GALNT17: variants seen among roughly 807,000 people sequenced by gnomAD.
GALNT17 encodes polypeptide N-acetylgalactosaminyltransferase 17.
Under a neutral mutation model 63.7 loss-of-function variants are expected in GALNT17, and 29 were observed. The ratio of observed to expected loss-of-function variants is 0.46; its 90% CI spans 0.34 to 0.62. The LOEUF is 0.62. Among genes scored for constraint, GALNT17 ranks in the 20% least tolerant of loss-of-function variants. The probability of loss-of-function intolerance (pLI) is 0.01; values close to 1 mark genes in which losing one functional copy is unlikely to be tolerated. For missense variants in GALNT17, 603 were observed against 799.6 expected (o/e 0.75, Z 2.97); for synonymous variants, 305 against 318.3 (o/e 0.96, Z 0.45).
chr7:71,589,573 G>GA (rs889568581), intron 6 of GALNT17, among the ~76,000 whole-genome samples: 105 of 138,426 alleles, frequency 7.6e-4, no homozygotes, highest in Non-Finnish European at 9.3e-4. Context: ...CCTTGTCTCT[G>GA]AAAAAAAAAA....
At chr7:71,223,752 C>T (rs1344074666) in intron 1 of GALNT17, among the ~76,000 whole-genome samples, 2 of 152,030 alleles carry the variant, frequency 1.3e-5, no homozygotes, top group Non-Finnish European at 2.9e-5. Flanking sequence ...TGTGTTGTTC[C>T]CTCTTTGTGT....
At chr7:71,694,201 A>G (rs1791505661) in intron 9 of GALNT17, among the ~76,000 whole-genome samples, 1 of 152,124 alleles carries the variant, frequency 6.6e-6, no homozygotes, top group South Asian at 2.1e-4. Flanking sequence ...ATAGCACAGG[A>G]AAGACCCACC....
intron 4 of GALNT17, 123 bp from the exon 5 acceptor site, chr7:71,420,785 C>A (rs1786648441): frequency 8.4e-7 from 1 of 1,189,038 alleles, no homozygotes; most frequent in Non-Finnish European, 1.2e-6. Context: ...CAGTTTGCAT[C>A]TGAGTTCCAG....
At chr7:71,269,101 C>T (rs565050561) in intron 1 of GALNT17, among the ~76,000 whole-genome samples, 21 of 152,252 alleles carry the variant, frequency 1.4e-4, no homozygotes, top group Non-Finnish European at 2.1e-4. Context: ...AACCCTCAGC[C>T]GGGCCCTTTA....
chr7:71,530,445 T>C lies in GALNT17; in HGVS notation c.963-40840T>C, dbSNP rs894583346. On this transcript the variant is annotated intron_variant, in intron 5 of 10. Coordinates refer to ENST00000333538, the MANE Select transcript of GALNT17 (RefSeq NM_022479.3). Reference sequence around the variant, plus strand: ...TCTCAGTTATTCTTAACGTGTAGTCTAGGAACACCTACATCAGCAGCCTGG... The same window carrying C: ...TCTCAGTTATTCTTAACGTGTAGTCCAGGAACACCTACATCAGCAGCCTGG... Among the ~76,000 whole-genome samples, 10 of 152,276 alleles carry C rather than the reference T, an allele frequency of 6.6e-5. No homozygotes were observed. In the South Asian group the frequency reaches 1.5e-3, roughly 22 times the overall value.
intron 1 of GALNT17, among the ~76,000 whole-genome samples, chr7:71,228,605 C>T (rs1270552532): frequency 6.6e-6 from 1 of 152,214 alleles, no homozygotes; most frequent in African/African-American, 2.4e-5. Flanking sequence ...GTTCCCGTGG[C>T]TCCCAACATT....
chr7:71,342,114 T>C (rs991514327), intron 2 of GALNT17, among the ~76,000 whole-genome samples: 1 of 152,208 alleles, frequency 6.6e-6, no homozygotes, highest in African/African-American at 2.4e-5. Context: ...AAGGAATACC[T>C]GAGACTGGGT....
chr7:71,231,805 C>T (rs1351694408), intron 1 of GALNT17, among the ~76,000 whole-genome samples: 4 of 151,814 alleles, frequency 2.6e-5, no homozygotes, highest in African/African-American at 9.7e-5. Flanking sequence ...TCTTCTTTCT[C>T]TTCTTATAAG....
chr7:71,186,473 G>A (rs1788853126), intron 1 of GALNT17, among the ~76,000 whole-genome samples: 1 of 152,192 alleles, frequency 6.6e-6, no homozygotes, highest in African/African-American at 2.4e-5. Context: ...TACTATCTTT[G>A]CTCTTCTTTG....
At chr7:71,472,902 A>G (rs942457060) in intron 5 of GALNT17, among the ~76,000 whole-genome samples, 13 of 152,182 alleles carry the variant, frequency 8.5e-5, no homozygotes, top group African/African-American at 3.1e-4. Context: ...TTCTGAGCCA[A>G]TATGAGTGAC....
At chr7:71,605,734 G>A (rs1790035800) in intron 6 of GALNT17, among the ~76,000 whole-genome samples, 1 of 152,176 alleles carries the variant, frequency 6.6e-6, no homozygotes, top group Non-Finnish European at 1.5e-5. Context: ...ACTCCAGGGT[G>A]CAGAATGAAT....
intron 5 of GALNT17, among the ~76,000 whole-genome samples, chr7:71,564,278 C>CTTTTTTTTTTTTTTTTTTTTTT (rs10539122): frequency 1.7e-4 from 17 of 98,010 alleles, no homozygotes; most frequent in South Asian, 4.0e-4. Context: ...CTTTTCTTTT[C>CTTTTTTTTTTTTTTTTTTTTTT]TTTTTTTTTT....
chr7:71,546,748 G>A (rs147947646), intron 5 of GALNT17, among the ~76,000 whole-genome samples: 8 of 152,192 alleles, frequency 5.3e-5, no homozygotes, highest in Non-Finnish European at 8.8e-5. Context: ...TTGGACCTGC[G>A]GTAAAGGGAA....
chr7:71,215,711 G>A (rs988233204), intron 1 of GALNT17, among the ~76,000 whole-genome samples: 2 of 152,088 alleles, frequency 1.3e-5, no homozygotes, highest in Admixed American at 6.5e-5. Context: ...CTTTGCTGAT[G>A]TTTCCTCATG....
At chr7:71,708,719 C>T (rs145635170) in intron 9 of GALNT17, among the ~76,000 whole-genome samples, 1 of 152,252 alleles carries the variant, frequency 6.6e-6, no homozygotes, top group East Asian at 1.9e-4. Context: ...TTCTCCCTCC[C>T]TCCTTTTGGC....
chr7:71,292,664 AGAGAGTGTGTGT>A (rs1172901445), intron 1 of GALNT17, among the ~76,000 whole-genome samples: 26 of 114,244 alleles, frequency 2.3e-4, no homozygotes, highest in Admixed American at 6.4e-4. Context: ...AGAGAGAGAG[AGAGAGTGTGTGT>A]GTGTGTGTGT....
chr7:71,682,470 A>C (rs934620375), intron 9 of GALNT17, among the ~76,000 whole-genome samples: 5 of 152,190 alleles, frequency 3.3e-5, no homozygotes, highest in Admixed American at 3.3e-4. Context: ...GCTTCTGCCC[A>C]GTGGGAACCT....
intron 5 of GALNT17, among the ~76,000 whole-genome samples, chr7:71,506,793 T>C (rs1270409396): frequency 6.6e-6 from 1 of 152,232 alleles, no homozygotes; most frequent in African/African-American, 2.4e-5. Flanking sequence ...TTGTTCCCTG[T>C]AGTCATCTTC....
At chr7:71,433,209 G>A (rs1449585774) in intron 5 of GALNT17, among the ~76,000 whole-genome samples, 1 of 152,188 alleles carries the variant, frequency 6.6e-6, no homozygotes, top group Non-Finnish European at 1.5e-5. Flanking sequence ...CAGGAGGTAT[G>A]CTGTATAGAG....
Sources: allele counts gnomAD v4.1 joint callset (sites outside exome capture counted in the v4.1 genomes callset), GRCh38; gene constraint gnomAD v4.1.1; transcripts MANE v1.5; gene names NCBI Gene and HGNC (gene_info 2026-07-23, HGNC 2026-07-21).